Variants in MEIS3 observed in about 807,000 individuals in gnomAD.
MEIS3 encodes the protein Meis homeobox 3.
MEIS3 carries 38 observed loss-of-function variants against 51.4 expected under a neutral mutation model. The ratio of observed to expected loss-of-function variants is 0.74; its 90% CI spans 0.57 to 0.97. MEIS3 has a LOEUF of 0.97. MEIS3 is among the 50% of genes least tolerant of loss of function. The probability of loss-of-function intolerance (pLI) is 0.00; values close to 1 mark genes in which losing one functional copy is unlikely to be tolerated. For synonymous variants in MEIS3, 198 were observed against 201.8 expected, an observed-to-expected ratio of 0.98 and a Z score of 0.16; for missense variants, 456 against 502.6, an observed-to-expected ratio of 0.91 and a Z score of 0.89.
chr19:47,417,261 G>C lies in MEIS3; in HGVS notation c.102C>G (p.Pro34=), dbSNP rs150280240. The change falls in exon 2 of 13, where the codon CCC becomes CCG. Residue 34 remains proline (P), a synonymous_variant. Transcript: ENST00000558555. ...FPETVPAVPG[P]YGPHRPPQPL... ...GCTGGGGAGGCCGGTGCGGGCCATA[G>C]GGCCCTGGTACTGCGGGCACTGTCT... The C allele has an allele frequency of 4.5e-5, 72 of 1,611,666 alleles. No homozygotes were observed. The African/African-American group carries it at 8.8e-4, about 20-fold the overall frequency.
At position 47,409,804 on chromosome 19, in the gene MEIS3, A is replaced by G. The variant is rs1599808105; in HGVS notation, c.598-257T>C. On this transcript the variant is annotated intron_variant, in intron 6 of 12. Transcript: ENST00000558555. ...CTTGAACCCGGGAGGCAGAGGTTGCAGTGAGCCGAGATTGCGCCACTGCAC... is the reference window on the plus strand; with the variant it reads ...CTTGAACCCGGGAGGCAGAGGTTGCGGTGAGCCGAGATTGCGCCACTGCAC... Among the ~76,000 whole-genome samples, 4 of 150,764 alleles carry G rather than the reference A, an allele frequency of 2.7e-5. 1 individual carries two copies. The Admixed American group carries it at 2.7e-4, about 10-fold the overall frequency.
intron 6 of MEIS3, 36 bp downstream of exon 6, chr19:47,414,681 C>T: frequency 6.4e-7 from 1 of 1,555,174 alleles, no homozygotes. Flanking sequence ...ACAGCTGTGG[C>T]TGCAGGACGA....
intron 8 of MEIS3, among the ~76,000 whole-genome samples, chr19:47,408,187 C>T (rs1031292767): frequency 4.6e-5 from 7 of 152,040 alleles, no homozygotes; most frequent in African/African-American, 9.7e-5. Flanking sequence ...AGTGCAGTGG[C>T]GCCTTCATGG....
At position 47,407,128 on chromosome 19, in the gene MEIS3, G is replaced by A. The variant is rs1314546655; in HGVS notation, c.945C>T (p.Asn315=). 1.9e-6 allele frequency: 3 copies of A among 1,610,278 alleles called. No individual in the cohort carries two copies. Residue 315 remains asparagine (N), a synonymous_variant, in exon 10 of 13, where the codon AAC becomes AAT. Coordinates refer to ENST00000558555, the MANE Select transcript of MEIS3 (RefSeq NM_001301059.2). ...TILQVNNWFI[N]ARRRIVQPMI... ...TAGGTTGCACGATGCGTCTCCGGGC[G>A]TTAATGAACCTGGGAGGCGGTCATG...
At chr19:47,411,078 A>C (rs749465450) in intron 6 of MEIS3, among the ~76,000 whole-genome samples, 3 of 152,082 alleles carry the variant, frequency 2.0e-5, no homozygotes, top group Non-Finnish European at 4.4e-5. Flanking sequence ...CTGGGATTAC[A>C]GGTGCCTGCC....
Position 47,409,539 on chromosome 19 carries a change from C to T in MEIS3, c.606G>A (p.Met202Ile), listed in dbSNP as rs745842107. ...CACTATCCTCATGGTCTCGAATCCA[C>T]ATATTATTCTAGAAAACAAGAGTTA... ...SCPSLPDQNN[M>I]WIRDHEDSGS... The change falls in exon 7 of 13, where the codon ATG (methionine) becomes ATA (isoleucine). Residue 202 changes from methionine to isoleucine, a missense_variant. Coordinates refer to ENST00000558555, the MANE Select transcript of MEIS3 (RefSeq NM_001301059.2). 40 of 1,612,718 alleles carry T rather than the reference C, an allele frequency of 2.5e-5. No homozygotes were observed. The highest frequency in any genetic ancestry group is 3.4e-5 in the Non-Finnish European group (40 of 1,178,812).
intron 1 of MEIS3, chr19:47,417,982 A>G (rs896937758): frequency 1.5e-5 from 7 of 467,848 alleles, no homozygotes; most frequent in African/African-American, 1.2e-4. Context: ...GAATGAATGC[A>G]TGATTGAGAC....
rs567189777 is a variant in MEIS3, at chr19:47,418,178, C to T, written c.13-828G>A. ...GTCACAGAACCATGCACCTGGGAAG[C>T]CAGGGGCACCTTCCTCTCATCAGGT... On this transcript the variant is annotated intron_variant, in intron 1 of 12. Transcript: ENST00000558555. 6.8e-4 allele frequency: 108 copies of T among 159,262 alleles called. 3 individuals carry two copies. Among genetic ancestry groups the T allele is most frequent in the Admixed American group, 2.8e-3 (46 of 16,704 alleles). The allele number at this position is 159,262 out of a possible 1,614,324, so 9.9% of individuals were successfully genotyped here. A position where few individuals can be genotyped will look rare whatever the true frequency, so the allele number is the denominator to read the frequency against.
intron 12 of MEIS3, among the ~76,000 whole-genome samples, chr19:47,405,595 C>A (rs559871429): frequency 1.4e-5 from 2 of 146,700 alleles, no homozygotes; most frequent in East Asian, 4.0e-4. Context: ...GATGGAGTCT[C>A]ACTTTATTGC....
chr19:47,417,303 G>A lies in MEIS3; in HGVS notation c.60C>T (p.Ala20=). The A allele has an allele frequency of 1.2e-6, 2 of 1,613,772 alleles. No individual in the cohort carries two copies. The highest frequency in any genetic ancestry group is 1.7e-6 in the Non-Finnish European group (2 of 1,179,908). ...HYPGIVDGPA[A]LASFPETVPA... ...GCACTGTCTCTGGGAAGCTAGCCAG[G>A]GCTGCGGGGCCATCCACGATGCCTG... Residue 20 remains alanine, a synonymous_variant, in exon 2 of 13, where the codon GCC becomes GCT. Transcript: ENST00000558555.
Position 47,406,515 on chromosome 19 carries a change from T to C in MEIS3, c.1090A>G (p.Met364Val), listed in dbSNP as rs1048489196. Reference sequence around the variant, plus strand: ...CATTCTCCTTCCAAGTTCAAACTCATCCCCACTGATCCTGGAAGACAAAAA... The same window carrying C: ...CATTCTCCTTCCAAGTTCAAACTCACCCCCACTGATCCTGGAAGACAAAAA... ...VAVRPPGSVG[M>V]SLNLEGEWHY... The change falls in exon 12 of 13, where the codon ATG becomes GTG. Residue 364 changes from methionine (M) to valine (V), a missense_variant. Coordinates refer to ENST00000558555, the MANE Select transcript of MEIS3 (RefSeq NM_001301059.2). 1 of 1,613,560 alleles carries C rather than the reference T, an allele frequency of 6.2e-7. No individual in the cohort carries two copies. Among genetic ancestry groups the C allele is most frequent in the Admixed American group, 1.7e-5 (1 of 59,938 alleles).
rs1257197294 is a variant in MEIS3, at chr19:47,417,229, G to A, written c.134C>T (p.Pro45Leu). 2 of 1,592,438 alleles carry A rather than the reference G, an allele frequency of 1.3e-6. No individual in the cohort carries two copies. Among genetic ancestry groups the A allele is most frequent in the African/African-American group, 2.7e-5 (2 of 74,118 alleles). ...CAGGCCGTCGCTGTCCAAGCCTGGG[G>A]GCAGGGGCTGGGGAGGCCGGTGCGG... The part of the protein sequence containing the change: ...YGPHRPPQPL[P>L]PGLDSDGLKR... Residue 45 changes from proline (P) to leucine (L), a missense_variant, in exon 2 of 13, where the codon CCC (proline) becomes CTC (leucine). Pro to Leu is a moderately conservative substitution (Grantham distance 98, BLOSUM62 -3). Transcript: ENST00000558555.
At chr19:47,420,975 T>TCTCTCCC (rs1568434395), upstream of MEIS3, among the ~76,000 whole-genome samples, 76 of 79,162 alleles carry the variant, frequency 9.6e-4, 1 homozygote, top group African/African-American at 4.0e-3. Flanking sequence ...CTCTCTCTCT[T>TCTCTCCC]CCTGGCTGTC....
intron 1 of MEIS3, chr19:47,417,794 C>T (rs1208822295): frequency 3.2e-6 from 2 of 631,850 alleles, no homozygotes; most frequent in East Asian, 2.7e-5. Context: ...GGCAGATAAG[C>T]GCATCAGAGT....
rs112739698 is a variant in MEIS3, at chr19:47,414,915, G to T, written c.448-49C>A. On this transcript the variant is annotated intron_variant, in intron 5 of 12. Coordinates refer to ENST00000558555, the MANE Select transcript of MEIS3 (RefSeq NM_001301059.2). ...GGGGGGCCACCCACGGGGGCAGGGCGGGGGTGCTCAGGGACGGGGGCGGCA... is the reference window on the plus strand; with the variant it reads ...GGGGGGCCACCCACGGGGGCAGGGCTGGGGTGCTCAGGGACGGGGGCGGCA... 5,525 of 1,284,020 alleles carry T rather than the reference G, an allele frequency of 4.3e-3. 215 individuals carry two copies. The African/African-American group carries it at 0.07, about 16-fold the overall frequency. 79.5% of individuals were successfully genotyped at this position (1,284,020 alleles called of 1,614,324 possible). A position where few individuals can be genotyped will look rare whatever the true frequency, so the allele number is the denominator to read the frequency against.
Position 47,415,118 on chromosome 19 carries a change from G to A in MEIS3, c.397-17C>T. 1 of 1,452,544 alleles carries A rather than the reference G, an allele frequency of 6.9e-7. No homozygotes were observed. Among genetic ancestry groups the A allele is most frequent in the South Asian group, 1.2e-5 (1 of 82,850 alleles). 90.0% of individuals were successfully genotyped at this position (1,452,544 alleles called of 1,614,324 possible). The stretch of plus-strand genomic sequence containing the variant: ...CTGGATCATCTGAAAACGTGGGCGG[G>A]AGGTGGGGGGAGACAGAGGGAATTG... On this transcript the variant is annotated splice_polypyrimidine_tract_variant and intron_variant, in intron 4 of 12. Transcript: ENST00000558555.
At chr19:47,407,989 T>A (rs1246824610) in intron 8 of MEIS3, among the ~76,000 whole-genome samples, 2 of 151,856 alleles carry the variant, frequency 1.3e-5, no homozygotes, top group Non-Finnish European at 2.9e-5. Context: ...TGTATTTTAG[T>A]AGAGATAGGG....
chr19:47,407,345 C>G lies in MEIS3; in HGVS notation c.935+7G>C. The G allele has an allele frequency of 1.2e-6, 2 of 1,612,410 alleles. No individual in the cohort carries two copies. The highest frequency in any genetic ancestry group is 2.2e-5 in the South Asian group (2 of 90,978). On this transcript the variant is annotated splice_region_variant and intron_variant, in intron 9 of 12. Transcript: ENST00000558555. ...GGCCGGCCCGCGGGCCCTCCTGGGC[C>G]ACTCACCAGTTGTTGACTTGCAGGA...
At chr19:47,415,011 CAG>C in intron 5 of MEIS3, 38 bp downstream of exon 5, 1 of 1,512,636 alleles carries the variant, frequency 6.6e-7, no homozygotes, top group Non-Finnish European at 9.0e-7. Context: ...GGTGGGATGA[CAG>C]GGGCAAGTGA....
Sources: allele counts gnomAD v4.1 joint callset (sites outside exome capture counted in the v4.1 genomes callset), GRCh38; gene constraint gnomAD v4.1.1; transcripts MANE v1.5; gene names NCBI Gene and HGNC (gene_info 2026-07-23, HGNC 2026-07-21).